The following SYNE2 variants were observed in gnomAD, a reference collection of about 807,000 sequenced individuals.
The protein encoded by SYNE2 is nesprin-2.
SYNE2 carries 431 observed loss-of-function variants against 856.3 expected under a neutral mutation model. That is an observed-to-expected ratio of 0.50 (90% CI 0.47 to 0.55). The LOEUF (loss-of-function observed/expected upper bound fraction) is 0.55. SYNE2 is among the 20% of genes least tolerant of loss of function. SYNE2 has a pLI of 0.00. For synonymous variants in SYNE2, 2,923 were observed against 2,872.3 expected, an observed-to-expected ratio of 1.02 and a Z score of -0.56; for missense variants, 8,129 against 8,023.2, an observed-to-expected ratio of 1.01 and a Z score of -0.50.
At chr14:64,127,612 G>A (rs555155379) in intron 73 of SYNE2, among the ~76,000 whole-genome samples, 2 of 152,252 alleles carry the variant, frequency 1.3e-5, no homozygotes, top group South Asian at 4.1e-4. Flanking sequence ...GACAATCCGT[G>A]TATGTTTCAG....
chr14:63,845,303 C>A (rs1890190260), intron 1 of SYNE2, among the ~76,000 whole-genome samples: 1 of 151,818 alleles, frequency 6.6e-6, no homozygotes, highest in Middle Eastern at 3.2e-3. Context: ...GTAATCCCAG[C>A]TACTTGGGAG....
intron 1 of SYNE2, among the ~76,000 whole-genome samples, chr14:63,765,347 G>A (rs1312426875): frequency 6.6e-6 from 1 of 152,016 alleles, no homozygotes; most frequent in Non-Finnish European, 1.5e-5. Context: ...ATATGCGATA[G>A]ACTTGTTTTT....
At chr14:63,820,793 A>G (rs1889184069) in intron 1 of SYNE2, among the ~76,000 whole-genome samples, 1 of 148,662 alleles carries the variant, frequency 6.7e-6, no homozygotes, top group Admixed American at 6.8e-5. Flanking sequence ...TCTTTCACCC[A>G]GGCTGTAGTG....
intron 45 of SYNE2, among the ~76,000 whole-genome samples, chr14:64,035,625 C>T (rs1415631547): frequency 6.7e-6 from 1 of 149,750 alleles, no homozygotes; most frequent in Admixed American, 6.7e-5. Flanking sequence ...CTAACGTAAC[C>T]CTTTTATTTC....
At chr14:64,101,673 G>A (rs2153640645) in intron 63 of SYNE2, among the ~76,000 whole-genome samples, 1 of 152,234 alleles carries the variant, frequency 6.6e-6, no homozygotes, top group African/African-American at 2.4e-5. Context: ...CCATTTTAAA[G>A]ATTTCCGTTG....
At chr14:63,781,207 G>A (rs1258212666) in intron 1 of SYNE2, among the ~76,000 whole-genome samples, 1 of 151,816 alleles carries the variant, frequency 6.6e-6, no homozygotes, top group Non-Finnish European at 1.5e-5. Flanking sequence ...GAACCCAGGA[G>A]GCAGAGGTTG....
intron 2 of SYNE2, among the ~76,000 whole-genome samples, chr14:63,935,406 T>G (rs564280754): frequency 6.6e-6 from 1 of 152,360 alleles, no homozygotes; most frequent in East Asian, 1.9e-4. Flanking sequence ...CAATATTTAC[T>G]AGGCAGTTGG....
intron 1 of SYNE2, among the ~76,000 whole-genome samples, chr14:63,861,167 C>T (rs1337194542): frequency 3.8e-5 from 5 of 130,454 alleles, no homozygotes; most frequent in Admixed American, 8.6e-5. Context: ...TTTTTTGAGA[C>T]GGAGTCTTAC....
chr14:64,026,865 A>G lies in SYNE2; in HGVS notation c.6404+135A>G. On this transcript the variant is annotated intron_variant, in intron 42 of 115. Transcript: ENST00000555002. ...AGTTGGTAATGTCAGGGACATCCAC[A>G]GTGTCAAGAGACAGAAACCAAAACC... 5 of 1,053,852 alleles carry G rather than the reference A, an allele frequency of 4.7e-6. No individual in the cohort carries two copies. In the South Asian group the frequency reaches 5.5e-5, roughly 12 times the overall value. The allele number at this position is 1,053,852 out of a possible 1,614,324, so 65.3% of individuals were successfully genotyped here. A position where few individuals can be genotyped will look rare whatever the true frequency, so the allele number is the denominator to read the frequency against.
intron 1 of SYNE2, among the ~76,000 whole-genome samples, chr14:63,897,311 T>C (rs1460604467): frequency 6.6e-6 from 1 of 152,166 alleles, no homozygotes; most frequent in East Asian, 1.9e-4. Flanking sequence ...CTTCATAGCA[T>C]GTCTATCCTT....
intron 1 of SYNE2, among the ~76,000 whole-genome samples, chr14:63,879,217 C>T (rs183388366): frequency 2.6e-4 from 39 of 152,290 alleles, no homozygotes; most frequent in Admixed American, 1.8e-3. Flanking sequence ...TGAAAAGTCT[C>T]CTTTTGTGCA....
chr14:64,006,323 C>G (rs1177281094), intron 30 of SYNE2, among the ~76,000 whole-genome samples: 1 of 151,534 alleles, frequency 6.6e-6, no homozygotes, highest in Non-Finnish European at 1.5e-5. Flanking sequence ...CCGCCCCATC[C>G]CTCCTTAGGA....
rs1308304056 is a variant in SYNE2, at chr14:64,062,856, G to C, written c.10173G>C (p.Leu3391=). The part of the protein sequence containing the change: ...VLGQSMSSLP[L]SYREALERLE... Reference sequence around the variant, plus strand: ...GACAGTCCATGTCCTCGTTGCCACTGTCTTACAGAGAAGCTTTAGAGCGCT... The same window carrying C: ...GACAGTCCATGTCCTCGTTGCCACTCTCTTACAGAGAAGCTTTAGAGCGCT... The change falls in exon 50 of 116, where the codon CTG becomes CTC. Residue 3391 remains leucine (L), a synonymous_variant. Transcript: ENST00000555002. 6.2e-7 allele frequency: 1 copy of C among 1,614,060 alleles called. No homozygotes were observed. The highest frequency in any genetic ancestry group is 2.2e-5 in the East Asian group (1 of 44,902).
At chr14:64,112,077 C>T (rs999647058) in intron 65 of SYNE2, among the ~76,000 whole-genome samples, 3 of 152,192 alleles carry the variant, frequency 2.0e-5, no homozygotes, top group African/African-American at 4.8e-5. Flanking sequence ...TCATAATACT[C>T]ATCAGTGTGC....
At chr14:64,216,523 G>T in intron 108 of SYNE2, 136 bp downstream of exon 108, 1 of 1,007,074 alleles carries the variant, frequency 9.9e-7, no homozygotes, top group Non-Finnish European at 1.5e-6. Flanking sequence ...TATGGTGACA[G>T]TGTCTCTGTT....
chr14:64,071,713 C>G (rs766187817), intron 52 of SYNE2, among the ~76,000 whole-genome samples: 2 of 152,046 alleles, frequency 1.3e-5, no homozygotes, highest in Non-Finnish European at 2.9e-5. Flanking sequence ...ATTAAATGTT[C>G]TTTTAAAATG....
chr14:63,852,084 A>ACTG (rs1890573619), upstream of SYNE2, among the ~76,000 whole-genome samples: 1 of 144,510 alleles, frequency 6.9e-6, no homozygotes, highest in Non-Finnish European at 1.5e-5. Flanking sequence ...AGATCGCGCC[A>ACTG]CTGTACTCCA....
intron 99 of SYNE2, among the ~76,000 whole-genome samples, chr14:64,192,834 G>A (rs1242056803): frequency 6.6e-5 from 10 of 152,194 alleles, no homozygotes; most frequent in Non-Finnish European, 8.8e-5. Context: ...TGAGCAGTAC[G>A]TGCTGAGTGC....
chr14:64,078,165 G>A (rs1165909312), intron 54 of SYNE2, among the ~76,000 whole-genome samples: 1 of 152,096 alleles, frequency 6.6e-6, no homozygotes, highest in Non-Finnish European at 1.5e-5. Context: ...AATCCACTCA[G>A]TAATTTTGCC....
Sources: gnomAD v4.1 joint callset for allele counts (sites outside exome capture counted in the v4.1 genomes callset) on GRCh38, gnomAD v4.1.1 for gene constraint, MANE v1.5 for transcripts, NCBI Gene and HGNC (gene_info 2026-07-23, HGNC 2026-07-21) for gene names.